PFKFB4: variants seen among roughly 807,000 people sequenced by gnomAD.
PFKFB4 encodes the protein 6-phosphofructo-2-kinase/fructose-2,6-bisphosphatase 4.
PFKFB4 carries 42 observed loss-of-function variants against 62.8 expected under a neutral mutation model. The observed-to-expected ratio is 0.67, with a 90% CI of 0.52 to 0.86. The LOEUF (loss-of-function observed/expected upper bound fraction) is 0.86. Ranked by LOEUF, PFKFB4 falls within the 40% of genes least tolerant of loss-of-function variation. The pLI, the probability that PFKFB4 is intolerant of heterozygous loss-of-function variation, is 0.00. For synonymous variants in PFKFB4, 204 were observed against 240.7 expected (o/e 0.85, Z 1.41); for missense variants, 475 against 627.2 (o/e 0.76, Z 2.59).
At chr3:48,526,375 C>A (rs549145459) in intron 9 of PFKFB4, among the ~76,000 whole-genome samples, 161 of 151,152 alleles carry the variant, frequency 1.1e-3, no homozygotes, top group African/African-American at 3.6e-3. Context: ...GAGTTCAAGG[C>A]CAGCATGGTC....
chr3:48,562,539 G>C (rs1211807482), upstream of PFKFB4: 2 of 543,648 alleles, frequency 3.7e-6, no homozygotes. The surrounding 1 kb of genome is among the most constrained non-coding windows in gnomAD (Gnocchi z 4.3). Context: ...CCATGTGGCA[G>C]TGACCCAACT....
At chr3:48,522,137 G>T in intron 12 of PFKFB4, 87 bp from the exon 13 acceptor site, 2 of 1,216,176 alleles carry the variant, frequency 1.6e-6, no homozygotes, top group Admixed American at 1.7e-5. Context: ...AGGGGGGTCT[G>T]GGCGTGTGGA....
intron 4 of PFKFB4, among the ~76,000 whole-genome samples, chr3:48,541,395 C>T (rs2042794160): frequency 6.6e-6 from 1 of 152,114 alleles, no homozygotes; most frequent in Admixed American, 6.5e-5. Flanking sequence ...TCCCAAAGTG[C>T]TGGGATTACA....
At chr3:48,559,567 C>T (rs1490254035), upstream of PFKFB4, 1 of 457,118 alleles carries the variant, frequency 2.2e-6, no homozygotes, top group East Asian at 6.9e-5. Context: ...TCTGCTCTCT[C>T]AGCATCAGCG....
chr3:48,551,627 C>T (rs2043159638), intron 1 of PFKFB4, among the ~76,000 whole-genome samples: 1 of 146,670 alleles, frequency 6.8e-6, no homozygotes, highest in Non-Finnish European at 1.5e-5. Context: ...TCACTGCAAC[C>T]TCTGCCTCCC....
At chr3:48,559,161 A>G (rs1268654952), upstream of PFKFB4, among the ~76,000 whole-genome samples, 1 of 152,196 alleles carries the variant, frequency 6.6e-6, no homozygotes, top group Non-Finnish European at 1.5e-5. Context: ...CCTGGTTCCC[A>G]GGAAATGCAA....
At chr3:48,538,909 C>A (rs2107535668) in intron 6 of PFKFB4, among the ~76,000 whole-genome samples, 1 of 152,270 alleles carries the variant, frequency 6.6e-6, no homozygotes, top group East Asian at 1.9e-4. Context: ...TTTTCCCAGA[C>A]CCAGATGCCC....
Position 48,523,683 on chromosome 3 carries a change from C to G in PFKFB4, c.1222+18G>C, listed in dbSNP as rs776197770. On this transcript the variant is annotated intron_variant, in intron 11 of 13. Transcript: ENST00000232375. ...TTCTCACACAACCTTCCCACCTCCC[C>G]CGGGGCACAGCCCACACCTGCTGCC... is the stretch of plus-strand genomic sequence containing the variant. The G allele has an allele frequency of 6.2e-7, 1 of 1,614,146 alleles. No homozygotes were observed. The highest frequency in any genetic ancestry group is 1.1e-5 in the South Asian group (1 of 91,078).
rs1255260452 is a variant in PFKFB4, at chr3:48,523,844, C to G, written c.1093-14G>C. On this transcript the variant is annotated splice_polypyrimidine_tract_variant and intron_variant, in intron 10 of 13. Coordinates refer to ENST00000232375, the MANE Select transcript of PFKFB4 (RefSeq NM_004567.4). ...GTCCTCGTAGGACTGCAAGGGCAAG[C>G]AGAGAGGGGTCCCTCAGGCCTGGCT... is the stretch of plus-strand genomic sequence containing the variant. 1.9e-6 allele frequency: 3 copies of G among 1,611,664 alleles called. No homozygotes were observed. Among genetic ancestry groups the G allele is most frequent in the Non-Finnish European group, 2.5e-6 (3 of 1,178,586 alleles).
chr3:48,561,531 C>T (rs2043433519), upstream of PFKFB4: 1 of 153,190 alleles, frequency 6.5e-6, no homozygotes, highest in Non-Finnish European at 1.5e-5. The surrounding 1 kb of genome is among the most constrained non-coding windows in gnomAD (Gnocchi z 5.2). Flanking sequence ...ACCAAGGGAC[C>T]AGGTCAGTTA....
intron 9 of PFKFB4, among the ~76,000 whole-genome samples, chr3:48,530,273 A>C (rs2042390805): frequency 6.6e-6 from 1 of 152,028 alleles, no homozygotes; most frequent in South Asian, 2.1e-4. Context: ...TAAATAAATA[A>C]AAATAAAATA....
chr3:48,529,517 T>A (rs371443747), intron 9 of PFKFB4, among the ~76,000 whole-genome samples: 32 of 152,132 alleles, frequency 2.1e-4, no homozygotes, highest in African/African-American at 6.3e-4. Flanking sequence ...CAAAACTGAA[T>A]GTTAGCATCA....
chr3:48,539,832 GCC>G lies in PFKFB4; in HGVS notation c.379-63_379-62del. ...CTGGGGAAGGAAGGGGCCAGAGTGGGCCCTGAAGTGGGCAGTGAGGGCCGCAG... is the reference window on the plus strand; with the variant it reads ...CTGGGGAAGGAAGGGGCCAGAGTGGGCTGAAGTGGGCAGTGAGGGCCGCAG... On this transcript the variant is annotated intron_variant, in intron 4 of 13. Transcript: ENST00000232375. The G allele has an allele frequency of 2.2e-6, 3 of 1,361,344 alleles. No homozygotes were observed. The South Asian group carries it at 3.5e-5, about 16-fold the overall frequency. 84.3% of individuals were successfully genotyped at this position (1,361,344 alleles called of 1,614,324 possible). A position where few individuals can be genotyped will look rare whatever the true frequency, so the allele number is the denominator to read the frequency against.
At position 48,539,301 on chromosome 3, in the gene PFKFB4, CA is replaced by C; in HGVS notation, c.462del (p.Phe154LeufsTer12). 1 of 1,606,432 alleles carries C rather than the reference CA, an allele frequency of 6.2e-7. No individual in the cohort carries two copies. The highest frequency in any genetic ancestry group is 8.5e-7 in the Non-Finnish European group (1 of 1,175,264). On this transcript the variant is annotated frameshift_variant, in exon 6 of 14. Transcript: ENST00000232375. LOFTEE classifies it high-confidence loss of function. ...FGEQNGYKTF[F>X]VESICVDPEV... The stretch of plus-strand genomic sequence containing the variant: ...TCAGGATCCACACAGATGGACTCGA[CA>C]AAAAAGGTCTGCGGCAGGACCAGAA...
intron 6 of PFKFB4, 46 bp from the exon 7 acceptor site, chr3:48,538,665 C>T: frequency 6.2e-7 from 1 of 1,612,182 alleles, no homozygotes; most frequent in South Asian, 1.1e-5. Flanking sequence ...GGTCAGGAGC[C>T]AGGCGGGGCC....
intron 9 of PFKFB4, among the ~76,000 whole-genome samples, chr3:48,535,168 T>C (rs1437935344): frequency 2.0e-5 from 3 of 152,138 alleles, no homozygotes; most frequent in East Asian, 1.9e-4. Flanking sequence ...TGTCTCCAGA[T>C]CCCTGGGAGG....
upstream of PFKFB4, chr3:48,562,188 T>C (rs1224912921): frequency 6.5e-6 from 1 of 153,484 alleles, no homozygotes; most frequent in Non-Finnish European, 1.5e-5. The surrounding 1 kb of genome is among the most constrained non-coding windows in gnomAD (Gnocchi z 4.3). Flanking sequence ...CGGGCCTTTG[T>C]GCCTGGAGAC....
At chr3:48,540,583 G>A (rs1037994497) in intron 4 of PFKFB4, among the ~76,000 whole-genome samples, 2 of 152,034 alleles carry the variant, frequency 1.3e-5, no homozygotes, top group Non-Finnish European at 1.5e-5. Flanking sequence ...ACCACACCTC[G>A]GTTACAGCAT....
chr3:48,530,648 G>C (rs1320153881), intron 9 of PFKFB4, among the ~76,000 whole-genome samples: 1 of 152,156 alleles, frequency 6.6e-6, no homozygotes, highest in African/African-American at 2.4e-5. Context: ...GATGAAAAAA[G>C]CTCTTGGGCT....
Sources: gnomAD v4.1 joint callset for allele counts (sites outside exome capture counted in the v4.1 genomes callset) on GRCh38, gnomAD v4.1.1 for gene constraint, Gnocchi (gnomAD v3.1) non-coding constraint, MANE v1.5 for transcripts, NCBI Gene and HGNC (gene_info 2026-07-23, HGNC 2026-07-21) for gene names.